FAT1: variants seen among roughly 807,000 people sequenced by gnomAD.
FAT1 encodes FAT atypical cadherin 1.
In FAT1, 171 loss-of-function variants were observed where a neutral mutation model predicts 329.8. That is an observed-to-expected ratio of 0.52 (90% CI 0.46 to 0.59). The LOEUF (loss-of-function observed/expected upper bound fraction) is 0.59. FAT1 is among the 20% of genes least tolerant of loss of function. The probability of loss-of-function intolerance (pLI) is 0.00; values close to 1 mark genes in which losing one functional copy is unlikely to be tolerated. For missense variants in FAT1, 5,672 were observed against 5,774.4 expected (o/e 0.98, Z 0.57); for synonymous variants, 2,233 against 2,228.6 (o/e 1.00, Z -0.06).
At chr4:186,634,836 G>GAAAGCAAGCACAGAATA (rs1397560221) in intron 6 of FAT1, among the ~76,000 whole-genome samples, 1 of 152,208 alleles carries the variant, frequency 6.6e-6, no homozygotes, top group Non-Finnish European at 1.5e-5. Flanking sequence ...AGCGCGCATG[G>GAAAGCAAGCACAGAATA]AAAGCAAGCA....
intron 1 of FAT1, among the ~76,000 whole-genome samples, chr4:186,722,050 T>C (rs540160932): frequency 6.6e-6 from 1 of 152,128 alleles, no homozygotes; most frequent in Non-Finnish European, 1.5e-5. Context: ...GTTGGTCAGG[T>C]TGGTCTCGGA....
At chr4:186,698,724 G>A (rs540465134) in intron 2 of FAT1, among the ~76,000 whole-genome samples, 1 of 152,226 alleles carries the variant, frequency 6.6e-6, no homozygotes, top group Non-Finnish European at 1.5e-5. Context: ...TGTTAAATGG[G>A]AGAGCAGGGA....
chr4:186,667,556 T>TA (rs990146168), intron 2 of FAT1, among the ~76,000 whole-genome samples: 3 of 152,148 alleles, frequency 2.0e-5, no homozygotes, highest in Non-Finnish European at 2.9e-5. Flanking sequence ...CTTTGTAAGA[T>TA]AAAAAATCAC....
intron 2 of FAT1, among the ~76,000 whole-genome samples, chr4:186,667,372 C>A (rs1742498897): frequency 6.6e-6 from 1 of 151,318 alleles, no homozygotes; most frequent in African/African-American, 2.4e-5. Context: ...ACTGAGGCAA[C>A]AAAGCGACTC....
rs1190319998 is a variant in FAT1 at position 186,708,823 on chromosome 4, T to G, written c.1005A>C (p.Thr335=). The G allele has an allele frequency of 6.2e-7, 1 of 1,613,940 alleles. No homozygotes were observed. Among genetic ancestry groups the G allele is most frequent in the Non-Finnish European group, 8.5e-7 (1 of 1,179,888 alleles). Residue 335 remains threonine, a synonymous_variant, in exon 2 of 27, where the codon ACA becomes ACC. Coordinates refer to ENST00000441802, the MANE Select transcript of FAT1 (RefSeq NM_005245.4). ...WDSHPFGYNL[T]LQAKDKGTPP... is the part of the protein sequence containing the mutation. ...GAGTTCCTTTATCTTTAGCCTGTAG[T>G]GTGAGATTGTAGCCGAAAGGATGAC... is the stretch of plus-strand genomic sequence containing the variant.
intron 26 of FAT1, 122 bp from the exon 27 acceptor site, chr4:186,589,342 A>C: frequency 9.0e-7 from 1 of 1,107,150 alleles, no homozygotes; most frequent in Non-Finnish European, 1.3e-6. Context: ...TTCAAAGTTC[A>C]CCACTGGAAA....
intron 14 of FAT1, among the ~76,000 whole-genome samples, chr4:186,610,661 A>ATTTATATAAATTATATAAATATAAAT (rs377319738): frequency 2.4e-5 from 2 of 83,880 alleles, no homozygotes; most frequent in Non-Finnish European, 5.3e-5. Context: ...ATAAATATAA[A>ATTTATATAAATTATATAAATATAAAT]TTATATAATT....
chr4:186,590,674 C>T (rs545552203), intron 26 of FAT1: 3 of 456,152 alleles, frequency 6.6e-6, no homozygotes, highest in African/African-American at 6.0e-5. Context: ...ACTTTCTTTT[C>T]CTTGTTTCTG....
rs2126346471 is a variant in FAT1, at chr4:186,588,597, C to T, written c.13762G>A (p.Val4588Ile). The part of the protein sequence containing the change: ...PPLDSQQHTE[V>I] Reference sequence around the variant, plus strand: ...ACTTTGGGGGGAGTTGAGAGTCAGACTTCCGTGTGCTGCTGGGAATCCAGG... The same window carrying T: ...ACTTTGGGGGGAGTTGAGAGTCAGATTTCCGTGTGCTGCTGGGAATCCAGG... The change falls in exon 27 of 27, where the codon GTC becomes ATC. Residue 4588 changes from valine to isoleucine, a missense_variant. Val to Ile is a conservative substitution (Grantham distance 29). This residue lies in a region of FAT1 where 1,706 missense variants were observed against 1,859.1 expected (regional missense o/e 0.92). Transcript: ENST00000441802. 1 of 1,608,452 alleles carries T rather than the reference C, an allele frequency of 6.2e-7. No individual in the cohort carries two copies. The highest frequency in any genetic ancestry group is 8.5e-7 in the Non-Finnish European group (1 of 1,177,168).
Position 186,617,771 on chromosome 4 carries a change from T to C in FAT1, c.8815A>G (p.Ile2939Val), listed in dbSNP as rs777268251. Residue 2939 changes from isoleucine to valine, a missense_variant, in exon 10 of 27, where the codon ATC (isoleucine) becomes GTC (valine). This residue lies in a region of FAT1 where 3,966 missense variants were observed against 3,915.2 expected (regional missense o/e 1.01). Coordinates refer to ENST00000441802, the MANE Select transcript of FAT1 (RefSeq NM_005245.4). Reference protein sequence around the residue: ...EDDPQGGVIAILSTTDADSEE... With the variant: ...EDDPQGGVIAVLSTTDADSEE... ...GAATCAGCATCCGTGGTACTTAAGA[T>C]GGCAATCACCCCACCTTGGGGGTCA... 11 of 1,613,296 alleles carry C rather than the reference T, an allele frequency of 6.8e-6. No homozygotes were observed. In the East Asian group the frequency reaches 1.6e-4, roughly 23 times the overall value.
Position 186,708,029 on chromosome 4 carries a change from T to A in FAT1, c.1799A>T (p.Gln600Leu), listed in dbSNP as rs1282899619. ...TVSAIDADEL[Q>L]LVQYQIEAGN... ...AGCTTCAATCTGATACTGTACCAAC[T>A]GAAGTTCATCTGCATCAATAGCAGA... Residue 600 changes from glutamine (Q) to leucine (L), a missense_variant, in exon 2 of 27, where the codon CAG becomes CTG. Physicochemically the swap from Gln to Leu is moderately radical, Grantham distance 113 (BLOSUM62 -2). Around this residue, in one of 2 missense-constraint regions of FAT1, gnomAD observed 3,966 missense variants for 3,915.2 expected, o/e 1.01. Coordinates refer to ENST00000441802, the MANE Select transcript of FAT1 (RefSeq NM_005245.4). 6.2e-7 allele frequency: 1 copy of A among 1,614,018 alleles called. No individual in the cohort carries two copies. The highest frequency in any genetic ancestry group is 8.5e-7 in the Non-Finnish European group (1 of 1,179,902).
intron 2 of FAT1, among the ~76,000 whole-genome samples, chr4:186,683,985 C>T (rs1347490965): frequency 7.9e-6 from 1 of 126,720 alleles, no homozygotes; most frequent in African/African-American, 3.0e-5. Flanking sequence ...AGTAAGATTG[C>T]TACTTCATTA....
Position 186,597,636 on chromosome 4 carries a change from A to G in FAT1, c.12368+46T>C, listed in dbSNP as rs1738594501. ...TCTGTTGCATCTGCCAGTCAATATGACGCTATGAAAAGGTATGAACCTAAA... is the reference window on the plus strand; with the variant it reads ...TCTGTTGCATCTGCCAGTCAATATGGCGCTATGAAAAGGTATGAACCTAAA... On this transcript the variant is annotated intron_variant, in intron 24 of 26. Coordinates refer to ENST00000441802, the MANE Select transcript of FAT1 (RefSeq NM_005245.4). The G allele has an allele frequency of 2.9e-6, 4 of 1,374,236 alleles. No individual in the cohort carries two copies. In the East Asian group the frequency reaches 6.9e-5, roughly 24 times the overall value. 85.1% of individuals were successfully genotyped at this position (1,374,236 alleles called of 1,614,324 possible). A position where few individuals can be genotyped will look rare whatever the true frequency, so the allele number is the denominator to read the frequency against.
chr4:186,590,504 C>T (rs1738188305), intron 26 of FAT1: 3 of 731,250 alleles, frequency 4.1e-6, no homozygotes, highest in Non-Finnish European at 6.3e-6. Context: ...AAACTGCTTA[C>T]AGAGGCCCAA....
chr4:186,689,653 A>G (rs1418230049), intron 2 of FAT1, among the ~76,000 whole-genome samples: 1 of 152,208 alleles, frequency 6.6e-6, no homozygotes, highest in Non-Finnish European at 1.5e-5. Context: ...CAGCAACACC[A>G]GTGTAATAGG....
intron 2 of FAT1, among the ~76,000 whole-genome samples, chr4:186,672,058 A>G (rs1273188142): frequency 6.6e-6 from 1 of 152,170 alleles, no homozygotes; most frequent in Non-Finnish European, 1.5e-5. Context: ...AGTTTATAAG[A>G]TATTACTATT....
At chr4:186,686,570 T>A (rs919871551) in intron 2 of FAT1, among the ~76,000 whole-genome samples, 1 of 152,236 alleles carries the variant, frequency 6.6e-6, no homozygotes, top group African/African-American at 2.4e-5. Flanking sequence ...TTGCCTAAAG[T>A]CAGCAACTTT....
rs754598211 is a variant in FAT1 at position 186,600,289 on chromosome 4, A to G, written c.11712T>C (p.Ile3904=). 1.9e-6 allele frequency: 3 copies of G among 1,613,718 alleles called. No homozygotes were observed. In the African/African-American group the frequency reaches 4.0e-5, roughly 22 times the overall value. The change falls in exon 22 of 27, where the codon ATT becomes ATC. Residue 3904 remains isoleucine, a synonymous_variant. Coordinates refer to ENST00000441802, the MANE Select transcript of FAT1 (RefSeq NM_005245.4). The part of the protein sequence containing the change: ...SGPGIVSVQS[I]QVNDGQWHAV... ...CGTGCCACTGCCCATCATTGACCTG[A>G]ATGCTCTGAACAGAGACAATTCCAG...
At chr4:186,645,388 T>C (rs1741309530) in intron 3 of FAT1, among the ~76,000 whole-genome samples, 2 of 85,918 alleles carry the variant, frequency 2.3e-5, no homozygotes, top group Non-Finnish European at 4.5e-5. Flanking sequence ...TATATATATA[T>C]ATATATATAT....
Sources: allele counts gnomAD v4.1 joint callset (sites outside exome capture counted in the v4.1 genomes callset), GRCh38; gene constraint gnomAD v4.1.1; regional missense constraint gnomAD v4.1.1; transcripts MANE v1.5; gene names NCBI Gene and HGNC (gene_info 2026-07-23, HGNC 2026-07-21).